Variants in UTRN observed in about 807,000 individuals in gnomAD.
UTRN encodes utrophin.
A neutral mutation model predicts 463.9 loss-of-function variants in UTRN; 283 were observed. That is an observed-to-expected ratio of 0.61 (90% confidence interval 0.55 to 0.67). UTRN has a LOEUF of 0.67. UTRN is among the 30% of genes least tolerant of loss of function. The probability of loss-of-function intolerance (pLI) is 0.00; values close to 1 mark genes in which losing one functional copy is unlikely to be tolerated. For missense variants in UTRN, 3,922 were observed against 4,084.3 expected (o/e 0.96, Z 1.08); for synonymous variants, 1,442 against 1,431.5 (o/e 1.01, Z -0.17).
chr6:144,310,688 G>A (rs1806178609), intron 2 of UTRN, among the ~76,000 whole-genome samples: 1 of 152,200 alleles, frequency 6.6e-6, no homozygotes, highest in Non-Finnish European at 1.5e-5. Context: ...TGAGGCACAA[G>A]AATCGCTTGA....
Position 144,436,156 on chromosome 6 carries a change from CT to C in UTRN, c.1059+20del. 1 of 1,607,074 alleles carries C rather than the reference CT, an allele frequency of 6.2e-7. No individual in the cohort carries two copies. The highest frequency in any genetic ancestry group is 8.5e-7 in the Non-Finnish European group (1 of 1,177,402). On this transcript the variant is annotated intron_variant, in intron 10 of 74. Coordinates refer to ENST00000367545, the MANE Select transcript of UTRN (RefSeq NM_007124.3). ...CCCATGAAGTAAATATCTGTAGTTT[CT>C]TAGCAGGGTGTGTCCCCCACGGGAC...
intron 51 of UTRN, among the ~76,000 whole-genome samples, chr6:144,677,217 T>G (rs1425378428): frequency 1.3e-5 from 2 of 152,160 alleles, no homozygotes; most frequent in Admixed American, 1.3e-4. Context: ...TCATCTAGGT[T>G]TTAATCCCTG....
intron 59 of UTRN, among the ~76,000 whole-genome samples, chr6:144,773,204 A>C (rs1794278971): frequency 6.6e-6 from 1 of 152,138 alleles, no homozygotes; most frequent in African/African-American, 2.4e-5. Flanking sequence ...TTTGAACCAG[A>C]TCTGCAAAAG....
chr6:144,485,560 A>T (rs1413347423), intron 28 of UTRN, 41 bp downstream of exon 28: 22 of 1,613,542 alleles, frequency 1.4e-5, no homozygotes, highest in Non-Finnish European at 1.9e-5. Context: ...CTTTGCTGTG[A>T]TGAGGCCACA....
At chr6:144,403,233 T>A in intron 3 of UTRN, 49 bp downstream of exon 3, 1 of 1,550,356 alleles carries the variant, frequency 6.5e-7, no homozygotes, top group South Asian at 1.1e-5. Context: ...CGCATTCTGA[T>A]TGAAGGAGTT....
intron 60 of UTRN, among the ~76,000 whole-genome samples, chr6:144,775,437 C>A (rs935962621): frequency 6.6e-6 from 1 of 152,142 alleles, no homozygotes; most frequent in African/African-American, 2.4e-5. Context: ...TTTGCATAAT[C>A]CACAGAGCCT....
At chr6:144,324,901 G>A (rs1416481290) in intron 2 of UTRN, among the ~76,000 whole-genome samples, 2 of 152,192 alleles carry the variant, frequency 1.3e-5, no homozygotes, top group Admixed American at 1.3e-4. Context: ...GATTGTTTGA[G>A]GTTGGTTCAG....
intron 41 of UTRN, among the ~76,000 whole-genome samples, chr6:144,526,408 A>T (rs969394165): frequency 3.3e-5 from 5 of 152,038 alleles, no homozygotes; most frequent in Non-Finnish European, 7.4e-5. Context: ...TTCCTGTTGG[A>T]CTAGTCTTTT....
intron 51 of UTRN, among the ~76,000 whole-genome samples, chr6:144,664,386 G>A (rs897857861): frequency 6.6e-6 from 1 of 151,740 alleles, no homozygotes; most frequent in Non-Finnish European, 1.5e-5. Flanking sequence ...TTGATTACAC[G>A]ATCTGATTTG....
intron 3 of UTRN, among the ~76,000 whole-genome samples, chr6:144,421,614 T>C (rs1004014281): frequency 6.6e-6 from 1 of 151,520 alleles, no homozygotes. Flanking sequence ...GCGTGAACCC[T>C]GGAGGCGGAG....
chr6:144,548,576 T>C (rs1798622424), intron 46 of UTRN, 64 bp from the exon 47 acceptor site: 2 of 1,499,806 alleles, frequency 1.3e-6, no homozygotes. Context: ...CGTGTCACCA[T>C]GACACCACCA....
chr6:144,588,650 G>T (rs1427007999), intron 51 of UTRN, among the ~76,000 whole-genome samples: 1 of 152,106 alleles, frequency 6.6e-6, no homozygotes, highest in Non-Finnish European at 1.5e-5. Context: ...TTGATGATTT[G>T]TGTTTTCCTA....
At chr6:144,750,930 G>A (rs999723980) in intron 55 of UTRN, among the ~76,000 whole-genome samples, 1 of 152,124 alleles carries the variant, frequency 6.6e-6, no homozygotes, top group Non-Finnish European at 1.5e-5. Context: ...CTTGCTCAGA[G>A]GTGGCATTTG....
At chr6:144,793,315 G>T (rs1488713397) in intron 62 of UTRN, among the ~76,000 whole-genome samples, 5 of 150,932 alleles carry the variant, frequency 3.3e-5, no homozygotes, top group Non-Finnish European at 1.5e-5. Flanking sequence ...TTGCTATGTT[G>T]CCCAAACTGG....
intron 51 of UTRN, among the ~76,000 whole-genome samples, chr6:144,665,332 A>T (rs1476406566): frequency 6.6e-6 from 1 of 152,176 alleles, no homozygotes; most frequent in Admixed American, 6.5e-5. Context: ...TTGCTTACAT[A>T]TTTAAGCAAA....
chr6:144,502,422 C>T, intron 34 of UTRN, among the ~76,000 whole-genome samples: 1 of 152,036 alleles, frequency 6.6e-6, no homozygotes, highest in Admixed American at 6.6e-5. Flanking sequence ...CCCCCAGCCC[C>T]CAACAGGACC....
intron 66 of UTRN, among the ~76,000 whole-genome samples, chr6:144,824,126 A>T (rs1176254002): frequency 6.6e-6 from 1 of 152,106 alleles, no homozygotes; most frequent in East Asian, 1.9e-4. Flanking sequence ...TGGGGTGGAA[A>T]ACTATCAACA....
At chr6:144,404,296 T>A (rs887917983) in intron 3 of UTRN, among the ~76,000 whole-genome samples, 49 of 152,336 alleles carry the variant, frequency 3.2e-4, no homozygotes, top group African/African-American at 1.0e-3. Flanking sequence ...GGCAGTTATA[T>A]GTGTAGGATT....
intron 42 of UTRN, among the ~76,000 whole-genome samples, chr6:144,532,420 T>G (rs1343506104): frequency 6.6e-6 from 1 of 152,170 alleles, no homozygotes; most frequent in African/African-American, 2.4e-5. Flanking sequence ...CTTCTTCATA[T>G]GGCGGCAGGA....
Sources: allele counts gnomAD v4.1 joint callset (sites outside exome capture counted in the v4.1 genomes callset), GRCh38; gene constraint gnomAD v4.1.1; transcripts MANE v1.5; gene names NCBI Gene and HGNC (gene_info 2026-07-23, HGNC 2026-07-21).